Variants in PIK3C2B observed in about 807,000 individuals in gnomAD.
PIK3C2B encodes phosphatidylinositol 4-phosphate 3-kinase C2 domain-containing subunit beta.
In PIK3C2B, 83 loss-of-function variants were observed where a neutral mutation model predicts 184.3. That is an observed-to-expected ratio of 0.45 (90% CI 0.38 to 0.54). The LOEUF (loss-of-function observed/expected upper bound fraction) is 0.54. Among genes scored for constraint, PIK3C2B ranks in the 20% least tolerant of loss-of-function variants. The pLI is 0.00. For missense variants in PIK3C2B, 1,736 were observed against 2,113.5 expected (o/e 0.82, Z 3.50); for synonymous variants, 779 against 837.6 (o/e 0.93, Z 1.21).
At position 204,457,696 on chromosome 1, in the gene PIK3C2B, C is replaced by T. The variant is rs925590791; in HGVS notation, c.1713+32G>A. 1.9e-6 allele frequency: 3 copies of T among 1,571,894 alleles called. No homozygotes were observed. The African/African-American group carries it at 4.1e-5, about 22-fold the overall frequency. On this transcript the variant is annotated intron_variant, in intron 9 of 32. Transcript: ENST00000684373. Reference sequence around the variant, plus strand: ...GTTACCTGACAGTATCCCTCTCTTCCTTTCCCCTGCTAGCACCCTGGGCCC... The same window carrying T: ...GTTACCTGACAGTATCCCTCTCTTCTTTTCCCCTGCTAGCACCCTGGGCCC...
At chr1:204,486,796 C>A (rs1657633665) in intron 1 of PIK3C2B, among the ~76,000 whole-genome samples, 1 of 152,266 alleles carries the variant, frequency 6.6e-6, no homozygotes, top group South Asian at 2.1e-4. Context: ...TAACATCCTT[C>A]ATTTTTTGTT....
At chr1:204,453,614 C>G (rs895130825) in intron 12 of PIK3C2B, among the ~76,000 whole-genome samples, 1 of 152,088 alleles carries the variant, frequency 6.6e-6, no homozygotes, top group African/African-American at 2.4e-5. Context: ...TCTAGACAAC[C>G]CTCCCTTCTC....
chr1:204,444,891 GC>G (rs1264844878), intron 16 of PIK3C2B, among the ~76,000 whole-genome samples: 2 of 152,202 alleles, frequency 1.3e-5, no homozygotes, highest in African/African-American at 4.8e-5. Flanking sequence ...AATTAGTTTA[GC>G]AGAGATTAAC....
At chr1:204,425,864 C>G (rs1021302713) in intron 31 of PIK3C2B, 123 bp from the exon 32 acceptor site, 3 of 822,942 alleles carry the variant, frequency 3.6e-6, no homozygotes, top group African/African-American at 3.4e-5. Context: ...CAATGCACAA[C>G]TAATTTATTT....
rs775762655 is a variant in PIK3C2B at position 204,432,343 on chromosome 1, G to A, written c.4012C>T (p.Leu1338=). 1.2e-6 allele frequency: 2 copies of A among 1,614,020 alleles called. No homozygotes were observed. Among genetic ancestry groups the A allele is most frequent in the Non-Finnish European group, 1.7e-6 (2 of 1,180,022 alleles). Reference sequence around the variant, plus strand: ...GAGCCCGTGAACTTCATCTGAGCCAGATTATGGATGAAAAAATTGAGCTTT... The same window carrying A: ...GAGCCCGTGAACTTCATCTGAGCCAAATTATGGATGAAAAAATTGAGCTTT... The part of the protein sequence containing the change: ...ATKLNFFIHN[L]AQMKFTGSDD... The change falls in exon 27 of 33, where the codon CTG becomes TTG. Residue 1338 remains leucine, a synonymous_variant. Transcript: ENST00000684373.
chr1:204,466,360 T>A (rs1655788814), intron 2 of PIK3C2B, among the ~76,000 whole-genome samples: 1 of 152,156 alleles, frequency 6.6e-6, no homozygotes, highest in African/African-American at 2.4e-5. Context: ...TTGGCTACTC[T>A]CAAGTCCTCT....
At chr1:204,456,924 A>ACACCCCCC (rs377111253) in intron 10 of PIK3C2B, 113 bp downstream of exon 10, 3 of 547,864 alleles carry the variant, frequency 5.5e-6, no homozygotes, top group African/African-American at 3.9e-5. Context: ...ACACACACAC[A>ACACCCCCC]CCAGCCGAAC....
rs956426994 is a variant in PIK3C2B at position 204,424,586 on chromosome 1, A to G, written c.*266T>C. On this transcript the variant is annotated 3_prime_UTR_variant, in exon 33 of 33. Coordinates refer to ENST00000684373, the MANE Select transcript of PIK3C2B (RefSeq NM_001377334.1). ...CCAAACCAAGCATTGCTCCCTTGAC[A>G]CAAGGTAAACTTAAAACTTTGCTGC... 3.2e-6 allele frequency: 2 copies of G among 617,670 alleles called. No homozygotes were observed. Among genetic ancestry groups the G allele is most frequent in the African/African-American group, 3.7e-5 (2 of 53,642 alleles). 38.3% of individuals were successfully genotyped at this position (617,670 alleles called of 1,614,324 possible). A position where few individuals can be genotyped will look rare whatever the true frequency, so the allele number is the denominator to read the frequency against.
At chr1:204,459,784 G>A in intron 8 of PIK3C2B, 94 bp downstream of exon 8, 1 of 1,055,446 alleles carries the variant, frequency 9.5e-7, no homozygotes, top group Non-Finnish European at 1.5e-6. Flanking sequence ...GCTCCACCCA[G>A]ACCCCTCATA....
At chr1:204,457,942 A>G (rs1655009100) in intron 8 of PIK3C2B, 68 bp from the exon 9 acceptor site, 2 of 1,432,768 alleles carry the variant, frequency 1.4e-6, no homozygotes, top group Admixed American at 3.9e-5. Context: ...ACCCCTCCCC[A>G]CCCCAGTCTT....
At chr1:204,455,460 C>A (rs1247346210) in intron 11 of PIK3C2B, among the ~76,000 whole-genome samples, 1 of 152,098 alleles carries the variant, frequency 6.6e-6, no homozygotes, top group Non-Finnish European at 1.5e-5. Context: ...CCCCTGCAGG[C>A]CTAGAGAACC....
chr1:204,456,800 A>G (rs564328175), intron 10 of PIK3C2B, among the ~76,000 whole-genome samples: 1 of 151,654 alleles, frequency 6.6e-6, no homozygotes, highest in African/African-American at 2.4e-5. Context: ...AGGAGGAATG[A>G]CTAGGAAAAA....
In PIK3C2B at chr1:204,470,610, G is replaced by T. The variant is rs1656237312; in HGVS notation, c.-84-724C>A. On this transcript the variant is annotated intron_variant, in intron 1 of 32. Coordinates refer to ENST00000684373, the MANE Select transcript of PIK3C2B (RefSeq NM_001377334.1). ...GGAAAACAGGCAGGTTCTTAAAAAG[G>T]TCAACATACACCTAACACAGGATTC... Among the ~76,000 whole-genome samples the T allele has an allele frequency of 1.3e-5, 2 of 152,204 alleles. 1 individual carries two copies. The highest frequency in any genetic ancestry group is 4.1e-4 in the South Asian group (2 of 4,834).
chr1:204,451,287 TTTC>T (rs1294744001), intron 12 of PIK3C2B, among the ~76,000 whole-genome samples: 2 of 152,196 alleles, frequency 1.3e-5, no homozygotes, highest in Non-Finnish European at 2.9e-5. Context: ...TCCTGAGCCC[TTTC>T]TTTTCACCCA....
intron 29 of PIK3C2B, among the ~76,000 whole-genome samples, chr1:204,429,573 T>C (rs898382863): frequency 6.6e-6 from 1 of 152,168 alleles, no homozygotes; most frequent in African/African-American, 2.4e-5. Flanking sequence ...ATACTACTAT[T>C]TGTTTAAAAA....
In PIK3C2B at chr1:204,460,411, A is replaced by G; in HGVS notation, c.1423-8T>C. ...GCTCTGGTCATCATTCACCTGTATAAGAAGTGACCTATTCAGAGAGGGGCG... is the reference window on the plus strand; with the variant it reads ...GCTCTGGTCATCATTCACCTGTATAGGAAGTGACCTATTCAGAGAGGGGCG... On this transcript the variant is annotated splice_polypyrimidine_tract_variant and splice_region_variant and intron_variant, in intron 6 of 32. Coordinates refer to ENST00000684373, the MANE Select transcript of PIK3C2B (RefSeq NM_001377334.1). 6.2e-7 allele frequency: 1 copy of G among 1,611,816 alleles called. No individual in the cohort carries two copies. Among genetic ancestry groups the G allele is most frequent in the Non-Finnish European group, 8.5e-7 (1 of 1,177,952 alleles).
At chr1:204,443,918 G>A (rs766814070) in intron 18 of PIK3C2B, 150 bp downstream of exon 18, 3 of 671,674 alleles carry the variant, frequency 4.5e-6, no homozygotes, top group African/African-American at 1.8e-5. Context: ...TGAGACCCCT[G>A]AGGAAAAGAT....
intron 16 of PIK3C2B, among the ~76,000 whole-genome samples, chr1:204,444,763 G>A (rs1018277708): frequency 3.3e-5 from 5 of 152,196 alleles, no homozygotes; most frequent in Admixed American, 2.6e-4. Context: ...CCTGCCATTG[G>A]AGGGCCCTGA....
chr1:204,427,795 G>T, intron 30 of PIK3C2B, 41 bp from the exon 31 acceptor site: 1 of 1,441,008 alleles, frequency 6.9e-7, no homozygotes, highest in Non-Finnish European at 9.8e-7. Flanking sequence ...AAGAGGCCAG[G>T]CAGGTGTTTC....
Sources: gnomAD v4.1 joint callset for allele counts (sites outside exome capture counted in the v4.1 genomes callset) on GRCh38, gnomAD v4.1.1 for gene constraint, MANE v1.5 for transcripts, NCBI Gene and HGNC (gene_info 2026-07-23, HGNC 2026-07-21) for gene names.